The following KCNA4 variants were observed in gnomAD, a reference collection of about 807,000 sequenced individuals.
KCNA4 encodes cardiac potassium channel.
KCNA4 carries 5 observed loss-of-function variants against 37.2 expected under a neutral mutation model. The observed-to-expected ratio is 0.13, with a 90% CI of 0.07 to 0.28. The LOEUF is 0.28. KCNA4 is among the 10% of genes least tolerant of loss of function. KCNA4 has a pLI of 1.00. For missense variants in KCNA4, 634 were observed against 817.4 expected (o/e 0.78, Z 2.74); for synonymous variants, 350 against 311.8 (o/e 1.12, Z -1.29).
At position 30,011,150 on chromosome 11, in the gene KCNA4, C is replaced by T; in HGVS notation, c.1529G>A (p.Ser510Asn). Residue 510 changes from serine (S) to asparagine (N), a missense_variant, in exon 2 of 2, where the codon AGC becomes AAC. Transcript: ENST00000328224. The surrounding 1 kb of genome is among the most constrained non-coding windows in gnomAD (Gnocchi z 5.6). ...AGCCCACCAAAATGCATCTGGGATG[C>T]TTTGGAAATGGGTAGTAGGTTCATC... is the stretch of plus-strand genomic sequence containing the variant. The part of the protein sequence containing the change: ...EADEPTTHFQ[S>N]IPDAFWWAVV... 6.2e-7 allele frequency: 1 copy of T among 1,614,132 alleles called. No homozygotes were observed. The highest frequency in any genetic ancestry group is 8.5e-7 in the Non-Finnish European group (1 of 1,180,040).
Position 30,012,192 on chromosome 11 carries a change from C to T in KCNA4, c.487G>A (p.Gly163Ser), listed in dbSNP as rs776785465. Residue 163 changes from glycine (G) to serine (S), a missense_variant, in exon 2 of 2, where the codon GGT becomes AGT. Around this residue, in one of 8 missense-constraint regions of KCNA4, gnomAD observed 236 missense variants for 229.5 expected, o/e 1.03. Coordinates refer to ENST00000328224, the MANE Select transcript of KCNA4 (RefSeq NM_002233.4). ...YTDLLPQDEG[G>S]GGYSSVRYSD... is the part of the protein sequence containing the mutation. ...TAGCGGACTGAACTGTAGCCGCCAC[C>T]GCCCTCATCCTGAGGCAGCAGATCC... The T allele has an allele frequency of 1.1e-5, 17 of 1,614,034 alleles. No homozygotes were observed. Among genetic ancestry groups the T allele is most frequent in the East Asian group, 2.2e-5 (1 of 44,884 alleles).
In KCNA4 at chr11:30,010,708, G is replaced by T. The variant is rs753498164; in HGVS notation, c.*9C>A. On this transcript the variant is annotated 3_prime_UTR_variant, in exon 2 of 2. Coordinates refer to ENST00000328224, the MANE Select transcript of KCNA4 (RefSeq NM_002233.4). ...GCTGAGGGGGGAGCAGTGGCAGGTG[G>T]AAAAAGATTCACACATCAGTCTCCA... 101 of 1,581,414 alleles carry T rather than the reference G, an allele frequency of 6.4e-5. 1 individual carries two copies. In the Middle Eastern group the frequency reaches 2.4e-3, roughly 37 times the overall value.
chr11:30,014,353 C>A (rs1850332750), intron 1 of KCNA4, among the ~76,000 whole-genome samples: 1 of 152,168 alleles, frequency 6.6e-6, no homozygotes, highest in Non-Finnish European at 1.5e-5. Context: ...CACTCCCTAC[C>A]ACCCACAGAC....
chr11:30,016,914 A>G lies in KCNA4; in HGVS notation c.-1125T>C. ...CAAGGTTCCCCCGAAAAGAAACAAA[A>G]TCCTAGACAGCAGCGATCACTTGTT... On this transcript the variant is annotated 5_prime_UTR_variant, in exon 1 of 2. Coordinates refer to ENST00000328224, the MANE Select transcript of KCNA4 (RefSeq NM_002233.4). The G allele has an allele frequency of 2.5e-6, 1 of 398,904 alleles. No individual in the cohort carries two copies. The highest frequency in any genetic ancestry group is 2.1e-5 in the African/African-American group (1 of 48,754). 24.7% of individuals were successfully genotyped at this position (398,904 alleles called of 1,614,324 possible). A position where few individuals can be genotyped will look rare whatever the true frequency, so the allele number is the denominator to read the frequency against.
In KCNA4 at chr11:30,010,953, G is replaced by T; in HGVS notation, c.1726C>A (p.Gln576Lys). The change falls in exon 2 of 2, where the codon CAG (glutamine) becomes AAG (lysine). Residue 576 changes from glutamine to lysine, a missense_variant. By Grantham distance (53) the Gln-to-Lys change is moderately conservative. Around this residue, in one of 8 missense-constraint regions of KCNA4, gnomAD observed 91 missense variants for 95.8 expected, o/e 0.95. Transcript: ENST00000328224. ...FYHRETENEE[Q>K]TQLTQNAVSC... ...ACTGCATTCTGCGTTAGCTGTGTCT[G>T]TTCCTCATTTTCAGTCTCTCTGTGG... is the stretch of plus-strand genomic sequence containing the variant. The T allele has an allele frequency of 6.2e-7, 1 of 1,614,180 alleles. No individual in the cohort carries two copies. Among genetic ancestry groups the T allele is most frequent in the South Asian group, 1.1e-5 (1 of 91,080 alleles).
In KCNA4 at chr11:30,010,800, C is replaced by T. The variant is rs957063987; in HGVS notation, c.1879G>A (p.Glu627Lys). The change falls in exon 2 of 2, where the codon GAG becomes AAG. Residue 627 changes from glutamate to lysine, a missense_variant. Around this residue, in one of 8 missense-constraint regions of KCNA4, gnomAD observed 91 missense variants for 95.8 expected, o/e 0.95. Transcript: ENST00000328224. Reference sequence around the variant, plus strand: ...TCATCCCCCTTTCCCTGACACTTCTCCTCCTTTGCACACAGAGATTCCTTA... The same window carrying T: ...TCATCCCCCTTTCCCTGACACTTCTTCTCCTTTGCACACAGAGATTCCTTA... ...GVKESLCAKEEKCQGKGDDSE... is the reference protein window; with the variant it reads ...GVKESLCAKEKKCQGKGDDSE... 3.1e-6 allele frequency: 5 copies of T among 1,614,168 alleles called. No homozygotes were observed. The East Asian group carries it at 8.9e-5, about 29-fold the overall frequency.
Position 30,012,716 on chromosome 11 carries a change from A to T in KCNA4, c.-38T>A, listed in dbSNP as rs756079727. The T allele has an allele frequency of 8.6e-6, 13 of 1,507,966 alleles. No individual in the cohort carries two copies. The highest frequency in any genetic ancestry group is 1.2e-5 in the Non-Finnish European group (13 of 1,127,956). 93.4% of individuals were successfully genotyped at this position (1,507,966 alleles called of 1,614,324 possible). On this transcript the variant is annotated 5_prime_UTR_variant, in exon 2 of 2. Coordinates refer to ENST00000328224, the MANE Select transcript of KCNA4 (RefSeq NM_002233.4). ...CGGAAATGGCTGGTTCCAGTTGTAGAAGAAGAAGAAAGAAAAATAGGGCAG... is the reference window on the plus strand; with the variant it reads ...CGGAAATGGCTGGTTCCAGTTGTAGTAGAAGAAGAAAGAAAAATAGGGCAG...
chr11:30,010,845 G>T lies in KCNA4; in HGVS notation c.1834C>A (p.Leu612Ile). ...SSSLGDKSEYLEMEEGVKESL... is the reference protein window; with the variant it reads ...SSSLGDKSEYIEMEEGVKESL... The stretch of plus-strand genomic sequence containing the variant: ...TCCTTAACTCCTTCTTCCATCTCTA[G>T]ATACTCTGACTTGTCCCCCAGGGAA... The change falls in exon 2 of 2, where the codon CTA (leucine) becomes ATA (isoleucine). Residue 612 changes from leucine to isoleucine, a missense_variant. Physicochemically the swap from Leu to Ile is conservative, Grantham distance 5 (BLOSUM62 2). Transcript: ENST00000328224. 6.2e-7 allele frequency: 1 copy of T among 1,614,116 alleles called. No individual in the cohort carries two copies. The highest frequency in any genetic ancestry group is 8.5e-7 in the Non-Finnish European group (1 of 1,180,016).
In KCNA4 at chr11:30,011,895, C is replaced by G; in HGVS notation, c.784G>C (p.Gly262Arg). The G allele has an allele frequency of 6.8e-6, 11 of 1,614,108 alleles. No individual in the cohort carries two copies. The highest frequency in any genetic ancestry group is 9.3e-6 in the Non-Finnish European group (11 of 1,180,018). ...CGAAACTTCAACAGGGCCTCCTCCC[C>G]CAACTGATAGAACTTCACCTCCTCA... is the stretch of plus-strand genomic sequence containing the variant. The part of the protein sequence containing the change: ...FTEEVKFYQL[G>R]EEALLKFRED... The change falls in exon 2 of 2, where the codon GGG becomes CGG. Residue 262 changes from glycine (G) to arginine (R), a missense_variant. Coordinates refer to ENST00000328224, the MANE Select transcript of KCNA4 (RefSeq NM_002233.4). The surrounding 1 kb of genome is among the most constrained non-coding windows in gnomAD (Gnocchi z 5.6).
In KCNA4 at chr11:30,011,646, C is replaced by G. The variant is rs1291610243; in HGVS notation, c.1033G>C (p.Gly345Arg). The part of the protein sequence containing the change: ...DRDLVMALSA[G>R]GHGGLLNDTS... The stretch of plus-strand genomic sequence containing the variant: ...TCATTCAACAACCCACCATGCCCGC[C>G]AGCACTCAGTGCCATGACGAGATCC... Residue 345 changes from glycine (G) to arginine (R), a missense_variant, in exon 2 of 2, where the codon GGC becomes CGC. Gly to Arg is a moderately radical substitution (Grantham distance 125, BLOSUM62 -2). Around this residue, in one of 8 missense-constraint regions of KCNA4, gnomAD observed 252 missense variants for 344.2 expected, o/e 0.73. Coordinates refer to ENST00000328224, the MANE Select transcript of KCNA4 (RefSeq NM_002233.4). This position sits in a 1 kb window ranked among gnomAD's most constrained non-coding sequence, Gnocchi z 5.6. 1 of 1,614,072 alleles carries G rather than the reference C, an allele frequency of 6.2e-7. No individual in the cohort carries two copies. Among genetic ancestry groups the G allele is most frequent in the East Asian group, 2.2e-5 (1 of 44,870 alleles).
chr11:30,016,689 G>A lies in KCNA4; in HGVS notation c.-900C>T, dbSNP rs1423579850. ...AATGATCCTGGGTGGGGGGCGGGGG[G>A]TGGTAAAAGGAATCACTCGGGTTTG... On this transcript the variant is annotated 5_prime_UTR_variant, in exon 1 of 2. Coordinates refer to ENST00000328224, the MANE Select transcript of KCNA4 (RefSeq NM_002233.4). 1 of 293,868 alleles carries A rather than the reference G, an allele frequency of 3.4e-6. No homozygotes were observed. Among genetic ancestry groups the A allele is most frequent in the Non-Finnish European group, 5.9e-6 (1 of 170,464 alleles). 18.2% of individuals were successfully genotyped at this position (293,868 alleles called of 1,614,324 possible).
At position 30,010,433 on chromosome 11, in the gene KCNA4, C is replaced by T. The variant is rs1435347068; in HGVS notation, c.*284G>A. 6.7e-6 allele frequency: 3 copies of T among 446,002 alleles called. No individual in the cohort carries two copies. The Admixed American group carries it at 1.2e-4, about 18-fold the overall frequency. 27.6% of individuals were successfully genotyped at this position (446,002 alleles called of 1,614,324 possible). ...ACACACACACGCACACACTCTCTCT[C>T]TCCATCTTTACTGTTAACATCTTTT... On this transcript the variant is annotated 3_prime_UTR_variant, in exon 2 of 2. Coordinates refer to ENST00000328224, the MANE Select transcript of KCNA4 (RefSeq NM_002233.4).
chr11:30,012,920 G>A lies in KCNA4; in HGVS notation c.-242C>T. On this transcript the variant is annotated 5_prime_UTR_variant, in exon 2 of 2. Transcript: ENST00000328224. ...CTTGGCTGGTCGAGATAAATAGCCT[G>A]GCACTCTCAAGACTAAGAAGTCCGA... 1 of 457,216 alleles carries A rather than the reference G, an allele frequency of 2.2e-6. No homozygotes were observed. The highest frequency in any genetic ancestry group is 3.8e-6 in the Non-Finnish European group (1 of 263,054). The allele number at this position is 457,216 out of a possible 1,614,324, so 28.3% of individuals were successfully genotyped here. A position where few individuals can be genotyped will look rare whatever the true frequency, so the allele number is the denominator to read the frequency against.
Position 30,012,844 on chromosome 11 carries a change from C to A in KCNA4, c.-166G>T. 1 of 948,184 alleles carries A rather than the reference C, an allele frequency of 1.1e-6. No individual in the cohort carries two copies. Among genetic ancestry groups the A allele is most frequent in the Non-Finnish European group, 1.5e-6 (1 of 664,570 alleles). 58.7% of individuals were successfully genotyped at this position (948,184 alleles called of 1,614,324 possible). The stretch of plus-strand genomic sequence containing the variant: ...AACTTTGCATTTTCTGTTTTTAAAT[C>A]AGCACGCCCCATGCTCTCTCTTCTC... On this transcript the variant is annotated 5_prime_UTR_variant, in exon 2 of 2. Transcript: ENST00000328224.
chr11:30,012,220 G>A lies in KCNA4; in HGVS notation c.459C>T (p.Tyr153=), dbSNP rs1850311021. Residue 153 remains tyrosine (Y), a synonymous_variant, in exon 2 of 2, where the codon TAC becomes TAT. Coordinates refer to ENST00000328224, the MANE Select transcript of KCNA4 (RefSeq NM_002233.4). ...SEDDHGDECS[Y]TDLLPQDEGG... is the part of the protein sequence containing the mutation. ...CCTCATCCTGAGGCAGCAGATCCGT[G>A]TAGGAACACTCATCACCATGGTCAT... 3 of 1,614,080 alleles carry A rather than the reference G, an allele frequency of 1.9e-6. No individual in the cohort carries two copies. The highest frequency in any genetic ancestry group is 2.7e-5 in the African/African-American group (2 of 75,016).
At chr11:30,013,875 AAG>A (rs1213853871) in intron 1 of KCNA4, among the ~76,000 whole-genome samples, 2 of 152,108 alleles carry the variant, frequency 1.3e-5, no homozygotes, top group Non-Finnish European at 2.9e-5. Context: ...TCCACTCATA[AAG>A]TGTTTCTGAA....
At position 30,012,577 on chromosome 11, in the gene KCNA4, A is replaced by G. The variant is rs1241832461; in HGVS notation, c.102T>C (p.Ala34=). The G allele has an allele frequency of 6.2e-7, 1 of 1,607,160 alleles. No homozygotes were observed. The highest frequency in any genetic ancestry group is 8.5e-7 in the Non-Finnish European group (1 of 1,179,798). ...CAGCTGCTGCAGCTGCCCTGGAGTG[A>G]GCAAGCCTCTCCCGCTCCCGGGCCC... is the stretch of plus-strand genomic sequence containing the variant. ...QARARERERL[A]HSRAAAAAAV... The change falls in exon 2 of 2, where the codon GCT becomes GCC. Residue 34 remains alanine (A), a synonymous_variant. Transcript: ENST00000328224.
In KCNA4 at chr11:30,017,017, C is replaced by A. The variant is rs1850359150; in HGVS notation, c.-1228G>T. Reference sequence around the variant, plus strand: ...GGGAGCAGCACACGCCTCCCCTGGCCGCGAACGCGCTCTGGGCGGGGGCGG... The same window carrying A: ...GGGAGCAGCACACGCCTCCCCTGGCAGCGAACGCGCTCTGGGCGGGGGCGG... On this transcript the variant is annotated 5_prime_UTR_variant, in exon 1 of 2. Coordinates refer to ENST00000328224, the MANE Select transcript of KCNA4 (RefSeq NM_002233.4). The A allele has an allele frequency of 2.5e-6, 1 of 397,848 alleles. No individual in the cohort carries two copies. The allele number at this position is 397,848 out of a possible 1,614,324, so 24.6% of individuals were successfully genotyped here. A position where few individuals can be genotyped will look rare whatever the true frequency, so the allele number is the denominator to read the frequency against.
In KCNA4 at chr11:30,011,026, G is replaced by A. The variant is rs756388183; in HGVS notation, c.1653C>T (p.Thr551=). Residue 551 remains threonine, a synonymous_variant, in exon 2 of 2, where the codon ACC becomes ACT. Transcript: ENST00000328224. The surrounding 1 kb of genome is among the most constrained non-coding windows in gnomAD (Gnocchi z 5.6). Reference sequence around the variant, plus strand: ...CAATCACTGGCACTGGCAAAGCAATGGTTAAGACACCCGCAATGGCACACA... The same window carrying A: ...CAATCACTGGCACTGGCAAAGCAATAGTTAAGACACCCGCAATGGCACACA... ...GSLCAIAGVL[T]IALPVPVIVS... 1.2e-6 allele frequency: 2 copies of A among 1,614,178 alleles called. No individual in the cohort carries two copies. Among genetic ancestry groups the A allele is most frequent in the South Asian group, 1.1e-5 (1 of 91,080 alleles).
Sources: gnomAD v4.1 joint callset for allele counts (sites outside exome capture counted in the v4.1 genomes callset) on GRCh38, gnomAD v4.1.1 for gene constraint, gnomAD v4.1.1 regional missense constraint, Gnocchi (gnomAD v3.1) non-coding constraint, MANE v1.5 for transcripts, NCBI Gene and HGNC (gene_info 2026-07-23, HGNC 2026-07-21) for gene names.